The following FGF1 variants were observed in gnomAD, a reference collection of about 807,000 sequenced individuals.
FGF1 encodes the protein beta-endothelial cell growth factor.
A neutral mutation model predicts 13.4 loss-of-function variants in FGF1; 9 were observed. The observed-to-expected ratio is 0.67, with a 90% CI of 0.40 to 1.17. The LOEUF is 1.17. Among genes scored for constraint, FGF1 ranks in the 50% most tolerant of loss-of-function variants. The probability of loss-of-function intolerance (pLI) is 0.01; values close to 1 mark genes in which losing one functional copy is unlikely to be tolerated. For missense variants in FGF1, 156 were observed against 192.7 expected, an observed-to-expected ratio of 0.81 and a Z score of 1.13; for synonymous variants, 93 against 79.0, an observed-to-expected ratio of 1.18 and a Z score of -0.94.
chr5:142,633,069 G>A (rs1033132032), intron 1 of FGF1, among the ~76,000 whole-genome samples: 8 of 151,874 alleles, frequency 5.3e-5, no homozygotes, highest in East Asian at 1.9e-4. Flanking sequence ...ACAGGCGCCC[G>A]CCACCACACC....
At chr5:142,650,472 G>C (rs942690498) in intron 1 of FGF1, among the ~76,000 whole-genome samples, 2 of 152,106 alleles carry the variant, frequency 1.3e-5, no homozygotes, top group Non-Finnish European at 2.9e-5. Context: ...ATCGGCAGAA[G>C]GGTAGTAATT....
chr5:142,652,925 T>A (rs1767511845), intron 1 of FGF1, among the ~76,000 whole-genome samples: 1 of 152,206 alleles, frequency 6.6e-6, no homozygotes. Context: ...TCACATCAAA[T>A]AAGATTTGTT....
chr5:142,608,542 CTATATATATATATATATA>C (rs369107817), intron 2 of FGF1, among the ~76,000 whole-genome samples: 5,320 of 75,896 alleles, frequency 0.07, 232 homozygotes, highest in East Asian at 0.095. Context: ...ATATACACAT[CTATATATATATATATATA>C]TATATATATA....
At chr5:142,659,163 T>TA (rs1768716118) in intron 1 of FGF1, among the ~76,000 whole-genome samples, 1 of 151,636 alleles carries the variant, frequency 6.6e-6, no homozygotes, top group Admixed American at 6.6e-5. Flanking sequence ...TTTTTTTTTT[T>TA]ACAAATAAAA....
chr5:142,601,529 A>G (rs2151827900), intron 2 of FGF1, among the ~76,000 whole-genome samples: 1 of 152,062 alleles, frequency 6.6e-6, no homozygotes, highest in East Asian at 1.9e-4. Flanking sequence ...AAATGCAGTG[A>G]TGAGAACAGT....
At chr5:142,655,503 G>C (rs1369973979) in intron 1 of FGF1, among the ~76,000 whole-genome samples, 1 of 152,182 alleles carries the variant, frequency 6.6e-6, no homozygotes, top group Non-Finnish European at 1.5e-5. Flanking sequence ...ATGACACATA[G>C]ACCTGCTTGC....
chr5:142,599,415 A>C (rs1427615997), intron 3 of FGF1, among the ~76,000 whole-genome samples: 1 of 152,222 alleles, frequency 6.6e-6, no homozygotes, highest in Non-Finnish European at 1.5e-5. Context: ...GACAACTTCA[A>C]GAGAGGGTTT....
At chr5:142,632,236 A>T (rs1215213527) in intron 1 of FGF1, among the ~76,000 whole-genome samples, 2 of 152,204 alleles carry the variant, frequency 1.3e-5, no homozygotes, top group East Asian at 3.8e-4. Flanking sequence ...TCTTTTGGTT[A>T]TAAAGAGAGA....
At chr5:142,689,041 C>T (rs904335624), upstream of FGF1, among the ~76,000 whole-genome samples, 1 of 152,106 alleles carries the variant, frequency 6.6e-6, no homozygotes, top group Non-Finnish European at 1.5e-5. Flanking sequence ...TTCAAAATGC[C>T]CCCAATATAT....
intron 1 of FGF1, among the ~76,000 whole-genome samples, chr5:142,646,222 T>C (rs1766063298): frequency 1.4e-5 from 2 of 139,394 alleles, no homozygotes; most frequent in African/African-American, 5.5e-5. Flanking sequence ...TTTTTTTTTT[T>C]TTTTTTTTTT....
chr5:142,597,466 T>C (rs1315194952), intron 3 of FGF1, among the ~76,000 whole-genome samples: 1 of 152,206 alleles, frequency 6.6e-6, no homozygotes, highest in Non-Finnish European at 1.5e-5. Flanking sequence ...AGAGTGCAGT[T>C]ACTTGAAAAA....
intron 1 of FGF1, among the ~76,000 whole-genome samples, chr5:142,618,737 C>T (rs894068328): frequency 1.3e-5 from 2 of 152,006 alleles, no homozygotes; most frequent in Admixed American, 6.6e-5. Context: ...GCATTTCAGA[C>T]TCAGTTCTCA....
intron 2 of FGF1, among the ~76,000 whole-genome samples, chr5:142,693,904 T>C (rs1752645695): frequency 6.6e-6 from 1 of 152,202 alleles, no homozygotes; most frequent in Non-Finnish European, 1.5e-5. Context: ...CACCACATTT[T>C]ATTTCTCTGT....
intron 2 of FGF1, among the ~76,000 whole-genome samples, chr5:142,610,020 C>T (rs972725883): frequency 6.6e-6 from 1 of 152,168 alleles, no homozygotes; most frequent in African/African-American, 2.4e-5. Context: ...TTGTGGGATA[C>T]AGAAGGAGCC....
chr5:142,599,250 C>T (rs1413190535), intron 3 of FGF1, among the ~76,000 whole-genome samples: 1 of 152,202 alleles, frequency 6.6e-6, no homozygotes, highest in Non-Finnish European at 1.5e-5. Context: ...AAAAAATCCC[C>T]TACTGCCAAA....
chr5:142,669,821 C>T (rs185949969), intron 1 of FGF1, among the ~76,000 whole-genome samples: 6 of 152,256 alleles, frequency 3.9e-5, no homozygotes, highest in Admixed American at 2.6e-4. Flanking sequence ...GCCTGAAGAG[C>T]GAAGCAGACA....
chr5:142,646,584 C>A (rs1248208432), intron 1 of FGF1, among the ~76,000 whole-genome samples: 3 of 152,130 alleles, frequency 2.0e-5, no homozygotes, highest in Non-Finnish European at 2.9e-5. Context: ...AACGCCTGAC[C>A]TCATGCTCTG....
chr5:142,634,887 C>A (rs1351674772), intron 1 of FGF1, among the ~76,000 whole-genome samples: 1 of 142,228 alleles, frequency 7.0e-6, no homozygotes, highest in African/African-American at 2.6e-5. Flanking sequence ...TTTTTTTTTT[C>A]CACGACTCCT....
At chr5:142,694,890 C>T (rs927222764) in intron 2 of FGF1, among the ~76,000 whole-genome samples, 10 of 152,062 alleles carry the variant, frequency 6.6e-5, no homozygotes, top group African/African-American at 2.4e-4. Context: ...CTAATAAGAA[C>T]TTCCCAGTAG....
Sources: gnomAD v4.1 joint callset for allele counts (sites outside exome capture counted in the v4.1 genomes callset) on GRCh38, gnomAD v4.1.1 for gene constraint, MANE v1.5 for transcripts, NCBI Gene and HGNC (gene_info 2026-07-23, HGNC 2026-07-21) for gene names.